The following PPP3CA variants were observed in gnomAD, a reference collection of about 807,000 sequenced individuals.
The protein encoded by PPP3CA is protein phosphatase 3 catalytic subunit alpha, also known as CAM-PRP catalytic subunit.
A neutral mutation model predicts 66.5 loss-of-function variants in PPP3CA; 14 were observed. That is an observed-to-expected ratio of 0.21 (90% CI 0.14 to 0.33). PPP3CA has a LOEUF of 0.33. Among genes scored for constraint, PPP3CA ranks in the 10% least tolerant of loss-of-function variants. PPP3CA has a pLI of 1.00. For missense variants in PPP3CA, 317 were observed against 639.5 expected, an observed-to-expected ratio of 0.50 and a Z score of 5.44; for synonymous variants, 232 against 226.2, an observed-to-expected ratio of 1.03 and a Z score of -0.23.
chr4:101,106,187 G>A (rs1297125835), intron 3 of PPP3CA, among the ~76,000 whole-genome samples: 9 of 151,232 alleles, frequency 6.0e-5, no homozygotes, highest in Non-Finnish European at 1.3e-4. Flanking sequence ...TGGGCATGGT[G>A]GTGTGTGCCT....
chr4:101,182,365 G>C (rs750026516), intron 2 of PPP3CA, among the ~76,000 whole-genome samples: 1 of 152,060 alleles, frequency 6.6e-6, no homozygotes, highest in Non-Finnish European at 1.5e-5. Context: ...GGGAACTAGG[G>C]GAAGAGAAAG....
chr4:101,162,252 G>A (rs1037256995), intron 2 of PPP3CA, among the ~76,000 whole-genome samples: 12 of 147,736 alleles, frequency 8.1e-5, no homozygotes, highest in Admixed American at 8.1e-4. Context: ...ACAAAAAAAG[G>A]CCAGGAATGG....
At chr4:101,233,167 A>G (rs578181649) in intron 1 of PPP3CA, among the ~76,000 whole-genome samples, 1 of 151,756 alleles carries the variant, frequency 6.6e-6, no homozygotes, top group Non-Finnish European at 1.5e-5. Context: ...GAAAATGTAC[A>G]GATACAAAGA....
At chr4:101,207,563 G>A (rs1287271521) in intron 1 of PPP3CA, among the ~76,000 whole-genome samples, 4 of 152,104 alleles carry the variant, frequency 2.6e-5, no homozygotes, top group South Asian at 2.1e-4. Context: ...GCACAGTGTC[G>A]AATACCTGTA....
At chr4:101,263,028 A>G (rs568264233) in intron 1 of PPP3CA, among the ~76,000 whole-genome samples, 1 of 152,302 alleles carries the variant, frequency 6.6e-6, no homozygotes, top group Admixed American at 6.5e-5. Flanking sequence ...TGAGCTTATG[A>G]TGCACAATGC....
rs752313888 is a variant in PPP3CA, at chr4:101,033,292, AAACACAC to A, written c.1242-935_1242-929del. 5.3e-3 allele frequency among the ~76,000 whole-genome samples: 470 copies of A among 88,156 alleles called. 3 individuals are homozygous for A. Among genetic ancestry groups the A allele is most frequent in the African/African-American group, 8.2e-3 (193 of 23,598 alleles). The allele number at this position is 88,156 out of a possible 152,430, so 57.8% of individuals were successfully genotyped here. A position where few individuals can be genotyped will look rare whatever the true frequency, so the allele number is the denominator to read the frequency against. On this transcript the variant is annotated intron_variant, in intron 11 of 13. Transcript: ENST00000394854. ...TACATAGAGACACACACACACACAC[AAACACAC>A]ACACACACACACACACACACACACA...
intron 1 of PPP3CA, among the ~76,000 whole-genome samples, chr4:101,332,974 A>G (rs2110334568): frequency 6.6e-6 from 1 of 152,284 alleles, no homozygotes; most frequent in South Asian, 2.1e-4. Flanking sequence ...TTTCTTTTTG[A>G]AAGACAGCTT....
chr4:101,058,306 A>T (rs910480429), intron 10 of PPP3CA, among the ~76,000 whole-genome samples: 1 of 152,202 alleles, frequency 6.6e-6, no homozygotes, highest in Non-Finnish European at 1.5e-5. Flanking sequence ...GCTAAGCAGA[A>T]ATAAATTAAA....
At chr4:101,186,763 C>T (rs1308124282) in intron 2 of PPP3CA, among the ~76,000 whole-genome samples, 1 of 152,124 alleles carries the variant, frequency 6.6e-6, no homozygotes, top group East Asian at 1.9e-4. Context: ...TCTTTACTTA[C>T]ATCCACAAAA....
At position 101,122,168 on chromosome 4, in the gene PPP3CA, T is replaced by C. The variant is rs138824164; in HGVS notation, c.260-13090A>G. Among the ~76,000 whole-genome samples the C allele has an allele frequency of 3.3e-3, 501 of 152,296 alleles. 3 individuals are homozygous for C. Among genetic ancestry groups the C allele is most frequent in the Non-Finnish European group, 5.7e-3 (387 of 68,020 alleles). ...TCTTTCCTTCTGTTTCATGAGAAAG[T>C]AATTTTTCTCTCAGCAATGCTAAGT... On this transcript the variant is annotated intron_variant, in intron 2 of 13. Transcript: ENST00000394854.
At chr4:101,336,230 A>G (rs984346629) in intron 1 of PPP3CA, among the ~76,000 whole-genome samples, 1 of 151,700 alleles carries the variant, frequency 6.6e-6, no homozygotes, top group Non-Finnish European at 1.5e-5. Flanking sequence ...CTCCAAAAAA[A>G]AAGCAAACAA....
chr4:101,171,350 CAAA>C, intron 2 of PPP3CA: 9 of 190,884 alleles, frequency 4.7e-5, no homozygotes, highest in South Asian at 1.3e-4. Context: ...ACAATTCTTT[CAAA>C]AAAAAAAAAA....
At chr4:101,221,369 T>G (rs1474994145) in intron 1 of PPP3CA, among the ~76,000 whole-genome samples, 2 of 151,598 alleles carry the variant, frequency 1.3e-5, no homozygotes, top group African/African-American at 4.8e-5. Context: ...TAAAATGATA[T>G]TTTACATCTA....
intron 2 of PPP3CA, among the ~76,000 whole-genome samples, chr4:101,136,632 T>A (rs1722631267): frequency 6.6e-6 from 1 of 151,864 alleles, no homozygotes; most frequent in African/African-American, 2.4e-5. Flanking sequence ...TTGTTTGATG[T>A]ATGATATGTG....
chr4:101,121,799 A>G (rs1345876115), intron 2 of PPP3CA, among the ~76,000 whole-genome samples: 2 of 152,168 alleles, frequency 1.3e-5, no homozygotes. Context: ...CAAGGAACAT[A>G]GAGTATGCTT....
At chr4:101,054,437 G>A (rs1054152744) in intron 10 of PPP3CA, among the ~76,000 whole-genome samples, 8 of 152,004 alleles carry the variant, frequency 5.3e-5, no homozygotes, top group African/African-American at 9.7e-5. Context: ...ATTCCTTTAT[G>A]CTTGGGGTGC....
chr4:101,027,287 T>A (rs1162670273), intron 13 of PPP3CA, among the ~76,000 whole-genome samples: 1 of 151,860 alleles, frequency 6.6e-6, no homozygotes, highest in African/African-American at 2.4e-5. Flanking sequence ...GAAAGCAGTT[T>A]CAAGCTGAAA....
chr4:101,124,971 T>G (rs182095751), intron 2 of PPP3CA, among the ~76,000 whole-genome samples: 1 of 152,228 alleles, frequency 6.6e-6, no homozygotes, highest in Non-Finnish European at 1.5e-5. Context: ...CATCTACAGA[T>G]GTAAAATATT....
At chr4:101,089,004 T>C (rs915390411) in intron 6 of PPP3CA, among the ~76,000 whole-genome samples, 1 of 152,002 alleles carries the variant, frequency 6.6e-6, no homozygotes, top group African/African-American at 2.4e-5. Flanking sequence ...ATTAAGCAAG[T>C]GGGAAAGTAA....
Sources: gnomAD v4.1 joint callset for allele counts (sites outside exome capture counted in the v4.1 genomes callset) on GRCh38, gnomAD v4.1.1 for gene constraint, MANE v1.5 for transcripts, NCBI Gene and HGNC (gene_info 2026-07-23, HGNC 2026-07-21) for gene names.